ST6GALNAC5: variants seen among roughly 807,000 people sequenced by gnomAD.
The protein encoded by ST6GALNAC5 is alpha-N-acetylgalactosaminide alpha-2,6-sialyltransferase 5.
Under a neutral mutation model 33.6 loss-of-function variants are expected in ST6GALNAC5, and 27 were observed. The ratio of observed to expected loss-of-function variants is 0.80; its 90% confidence interval spans 0.59 to 1.11. The LOEUF is 1.11. Ranked by LOEUF, ST6GALNAC5 falls within the 50% of genes least tolerant of loss-of-function variation. The pLI is 0.00. For synonymous variants in ST6GALNAC5, 194 were observed against 171.2 expected (o/e 1.13, Z -1.04); for missense variants, 428 against 454.0 (o/e 0.94, Z 0.52).
chr1:76,952,803 C>T (rs1245790029), intron 2 of ST6GALNAC5, among the ~76,000 whole-genome samples: 1 of 152,062 alleles, frequency 6.6e-6, no homozygotes, highest in Non-Finnish European at 1.5e-5. Flanking sequence ...ACCCCCTCGC[C>T]TGCCCCATCA....
chr1:76,989,999 CT>C (rs1233421538), intron 2 of ST6GALNAC5, among the ~76,000 whole-genome samples: 3 of 152,084 alleles, frequency 2.0e-5, no homozygotes, highest in African/African-American at 7.2e-5. Context: ...AATTCAGTTG[CT>C]TTTAGAAAAT....
Position 76,867,630 on chromosome 1 carries a change from C to T in ST6GALNAC5, c.-46C>T, listed in dbSNP as rs1339061630. 1.2e-6 allele frequency: 2 copies of T among 1,614,158 alleles called. No homozygotes were observed. The highest frequency in any genetic ancestry group is 1.7e-6 in the Non-Finnish European group (2 of 1,180,016). ...TGGAAACCCTCCAGGAAAAAGTGGC[C>T]CCGGACGCGCGAGCCTGAGGATTCT... On this transcript the variant is annotated 5_prime_UTR_variant, in exon 1 of 5. Transcript: ENST00000477717.
At chr1:76,914,077 C>T (rs1440336200) in intron 2 of ST6GALNAC5, among the ~76,000 whole-genome samples, 1 of 152,156 alleles carries the variant, frequency 6.6e-6, no homozygotes, top group Non-Finnish European at 1.5e-5. Context: ...CATGAGTGAA[C>T]TCCCATTCAC....
intron 2 of ST6GALNAC5, among the ~76,000 whole-genome samples, chr1:76,956,298 G>A (rs900227396): frequency 7.3e-5 from 11 of 151,372 alleles, no homozygotes; most frequent in Admixed American, 5.9e-4. Context: ...AGAAAAGAAA[G>A]CATAGGTAAG....
chr1:76,867,513 C>G lies in ST6GALNAC5; in HGVS notation c.-163C>G. On this transcript the variant is annotated 5_prime_UTR_variant, in exon 1 of 5. Transcript: ENST00000477717. ...TTCTGTCTCTAATCTCTGCAACAGC[C>G]GCGCTTCCCGGGTCCCGCGGCTCCC... The G allele has an allele frequency of 9.7e-7, 1 of 1,030,442 alleles. No homozygotes were observed. Among genetic ancestry groups the G allele is most frequent in the Non-Finnish European group, 1.5e-6 (1 of 656,444 alleles). The allele number at this position is 1,030,442 out of a possible 1,614,324, so 63.8% of individuals were successfully genotyped here. A position where few individuals can be genotyped will look rare whatever the true frequency, so the allele number is the denominator to read the frequency against.
rs549383336 is a variant in ST6GALNAC5 at position 77,044,958 on chromosome 1, G to A, written c.671+345G>A. Among the ~76,000 whole-genome samples the A allele has an allele frequency of 7.2e-5, 11 of 152,206 alleles. No homozygotes were observed. The East Asian group carries it at 2.1e-3, about 29-fold the overall frequency. On this transcript the variant is annotated intron_variant, in intron 3 of 4. Transcript: ENST00000477717. The stretch of plus-strand genomic sequence containing the variant: ...ACCCTCACCAAAAAAAAAGTATATG[G>A]GTTTATTTTTTCCCATTCAAAGGCA...
intron 2 of ST6GALNAC5, among the ~76,000 whole-genome samples, chr1:76,947,570 C>G (rs1647569562): frequency 6.6e-6 from 1 of 151,990 alleles, no homozygotes; most frequent in Admixed American, 6.6e-5. Flanking sequence ...GACCCCATCT[C>G]TAATAAAAAA....
intron 2 of ST6GALNAC5, among the ~76,000 whole-genome samples, chr1:76,969,958 T>A (rs914711601): frequency 4.6e-5 from 7 of 151,772 alleles, no homozygotes; most frequent in African/African-American, 1.7e-4. Flanking sequence ...CGGATGACTG[T>A]TAGAAGGAAA....
intron 2 of ST6GALNAC5, among the ~76,000 whole-genome samples, chr1:76,915,625 T>C (rs1164963792): frequency 6.9e-6 from 1 of 145,704 alleles, no homozygotes; most frequent in East Asian, 2.1e-4. Flanking sequence ...TTCTCACTCA[T>C]AGATGGGAAT....
chr1:77,036,226 G>A (rs981052966), intron 2 of ST6GALNAC5, among the ~76,000 whole-genome samples: 1 of 152,178 alleles, frequency 6.6e-6, no homozygotes, highest in African/African-American at 2.4e-5. Context: ...AATCTTTAGA[G>A]ATAAAAAGTA....
In ST6GALNAC5 at chr1:77,011,655, T is replaced by C. The variant is rs117156363; in HGVS notation, c.262-32549T>C. Among the ~76,000 whole-genome samples, 439 of 152,258 alleles carry C rather than the reference T, an allele frequency of 2.9e-3. 10 individuals carry two copies. The East Asian group carries it at 0.049, about 17-fold the overall frequency. ...AATAATTTTGTTTTTATATTTTGTA[T>C]ATGTAGTATGTAGTACAACATAATT... On this transcript the variant is annotated intron_variant, in intron 2 of 4. Coordinates refer to ENST00000477717, the MANE Select transcript of ST6GALNAC5 (RefSeq NM_030965.3).
intron 2 of ST6GALNAC5, among the ~76,000 whole-genome samples, chr1:76,943,066 G>A (rs1647393081): frequency 6.6e-6 from 1 of 151,970 alleles, no homozygotes. Flanking sequence ...TTTCTTACAG[G>A]CAACTTTTGT....
Position 77,063,418 on chromosome 1 carries a change from C to T in ST6GALNAC5, c.*212C>T. On this transcript the variant is annotated 3_prime_UTR_variant, in exon 5 of 5. Transcript: ENST00000477717. Reference sequence around the variant, plus strand: ...TTAATGCATCCTAATGAATGTTGTCCCCTTCAATGGTGTTACCTTAGGAGC... The same window carrying T: ...TTAATGCATCCTAATGAATGTTGTCTCCTTCAATGGTGTTACCTTAGGAGC... The T allele has an allele frequency of 1.8e-6, 1 of 569,496 alleles. No homozygotes were observed. The highest frequency in any genetic ancestry group is 3.0e-5 in the Admixed American group (1 of 32,866). 35.3% of individuals were successfully genotyped at this position (569,496 alleles called of 1,614,324 possible). A position where few individuals can be genotyped will look rare whatever the true frequency, so the allele number is the denominator to read the frequency against.
At chr1:76,959,468 T>C (rs889571103) in intron 2 of ST6GALNAC5, among the ~76,000 whole-genome samples, 1 of 152,190 alleles carries the variant, frequency 6.6e-6, no homozygotes, top group Non-Finnish European at 1.5e-5. Context: ...ATGGGCACAA[T>C]AGAACATAAG....
intron 2 of ST6GALNAC5, among the ~76,000 whole-genome samples, chr1:76,981,633 G>C (rs1238719539): frequency 7.3e-6 from 1 of 136,446 alleles, no homozygotes; most frequent in African/African-American, 2.8e-5. Flanking sequence ...GAAGAGAGCA[G>C]TTGTTCTCCC....
chr1:77,053,114 C>T (rs1483092845), intron 4 of ST6GALNAC5, among the ~76,000 whole-genome samples: 2 of 152,098 alleles, frequency 1.3e-5, no homozygotes, highest in Non-Finnish European at 2.9e-5. Flanking sequence ...ACAGTACCTT[C>T]CTCACCACCA....
At chr1:77,048,326 G>A (rs1570136467) in intron 3 of ST6GALNAC5, among the ~76,000 whole-genome samples, 2 of 152,334 alleles carry the variant, frequency 1.3e-5, no homozygotes, top group Non-Finnish European at 2.9e-5. Flanking sequence ...TCCTGAAGCT[G>A]TAAGTGAGCT....
chr1:76,892,210 G>A (rs977010938), intron 2 of ST6GALNAC5, among the ~76,000 whole-genome samples: 3 of 152,132 alleles, frequency 2.0e-5, no homozygotes, highest in East Asian at 3.8e-4. Context: ...AAGTACTCTC[G>A]TGAGAGTGTT....
chr1:76,875,370 T>C (rs556312664), intron 2 of ST6GALNAC5, among the ~76,000 whole-genome samples: 1 of 152,292 alleles, frequency 6.6e-6, no homozygotes, highest in East Asian at 1.9e-4. Flanking sequence ...AATAACCTAA[T>C]GGACACCCTA....
Sources: gnomAD v4.1 joint callset for allele counts (sites outside exome capture counted in the v4.1 genomes callset) on GRCh38, gnomAD v4.1.1 for gene constraint, MANE v1.5 for transcripts, NCBI Gene and HGNC (gene_info 2026-07-23, HGNC 2026-07-21) for gene names.